The following SPAG16 variants were observed in gnomAD, a reference collection of about 807,000 sequenced individuals.
SPAG16 encodes the protein sperm-associated antigen 16 protein.
SPAG16 carries 86 observed loss-of-function variants against 80.4 expected under a neutral mutation model. The ratio of observed to expected loss-of-function variants is 1.07; its 90% CI spans 0.90 to 1.28. SPAG16 has a LOEUF of 1.28. Among genes scored for constraint, SPAG16 ranks in the 50% most tolerant of loss-of-function variants. The probability of loss-of-function intolerance (pLI) is 0.00; values close to 1 mark genes in which losing one functional copy is unlikely to be tolerated. For synonymous variants in SPAG16, 294 were observed against 265.9 expected (o/e 1.11, Z -1.03); for missense variants, 870 against 765.3 (o/e 1.14, Z -1.61).
chr2:213,713,089 G>A (rs781099178), intron 10 of SPAG16, among the ~76,000 whole-genome samples: 2 of 152,130 alleles, frequency 1.3e-5, no homozygotes, highest in East Asian at 1.9e-4. Flanking sequence ...AAACCATCAG[G>A]TCTGGTGAGA....
intron 10 of SPAG16, among the ~76,000 whole-genome samples, chr2:213,668,505 T>C (rs2063696887): frequency 6.6e-6 from 1 of 152,252 alleles, no homozygotes; most frequent in South Asian, 2.1e-4. Context: ...GATTGAATTT[T>C]ATTAAATATT....
intron 10 of SPAG16, among the ~76,000 whole-genome samples, chr2:213,499,343 T>A (rs2074637592): frequency 6.6e-6 from 1 of 152,146 alleles, no homozygotes; most frequent in Admixed American, 6.6e-5. Context: ...ACAGATCCTA[T>A]GGATTCTAAT....
At chr2:213,672,524 G>T (rs1321989143) in intron 10 of SPAG16, among the ~76,000 whole-genome samples, 1 of 151,800 alleles carries the variant, frequency 6.6e-6, no homozygotes, top group Non-Finnish European at 1.5e-5. Flanking sequence ...TTGTTCCATT[G>T]TTTACATTTC....
chr2:214,011,333 G>T (rs2124941948), intron 12 of SPAG16, among the ~76,000 whole-genome samples: 1 of 146,098 alleles, frequency 6.8e-6, no homozygotes, highest in South Asian at 2.2e-4. Context: ...TTTTTTAAAA[G>T]AAAATAACTT....
intron 15 of SPAG16, among the ~76,000 whole-genome samples, chr2:214,199,450 C>T (rs189619826): frequency 6.6e-6 from 1 of 152,170 alleles, no homozygotes; most frequent in Non-Finnish European, 1.5e-5. Context: ...TATTCTGTTC[C>T]CTGGGTCTAC....
intron 9 of SPAG16, among the ~76,000 whole-genome samples, chr2:213,402,204 T>C (rs1228354508): frequency 6.6e-6 from 1 of 152,056 alleles, no homozygotes; most frequent in Non-Finnish European, 1.5e-5. Flanking sequence ...ATGTTTCCTG[T>C]ATTTAGGTGG....
chr2:213,931,578 T>C (rs1377128669), intron 12 of SPAG16, among the ~76,000 whole-genome samples: 1 of 152,216 alleles, frequency 6.6e-6, no homozygotes, highest in Non-Finnish European at 1.5e-5. Context: ...AAATGTAATA[T>C]GTCTTTAGAA....
At chr2:213,464,135 T>A (rs2072541365) in intron 9 of SPAG16, among the ~76,000 whole-genome samples, 1 of 152,148 alleles carries the variant, frequency 6.6e-6, no homozygotes, top group Non-Finnish European at 1.5e-5. Flanking sequence ...AAATCAAAGG[T>A]TACATGGTTA....
At chr2:213,376,057 TA>T (rs2066870010) in intron 9 of SPAG16, among the ~76,000 whole-genome samples, 1 of 151,362 alleles carries the variant, frequency 6.6e-6, no homozygotes, top group East Asian at 1.9e-4. Flanking sequence ...AAATAAAAAC[TA>T]ATCACTTTTT....
At chr2:214,195,303 T>TGATAGATAGATAGATAGATAGATA (rs78351450) in intron 15 of SPAG16, among the ~76,000 whole-genome samples, 8,190 of 146,666 alleles carry the variant, frequency 0.056, 297 homozygotes, top group Non-Finnish European at 0.066. Flanking sequence ...AGATGAGAGA[T>TGATAGATAGATAGATAGATAGATA]GATAGATAGA....
At chr2:214,158,021 A>G (rs796915816) in intron 15 of SPAG16, among the ~76,000 whole-genome samples, 8 of 145,830 alleles carry the variant, frequency 5.5e-5, no homozygotes, top group African/African-American at 1.9e-4. Flanking sequence ...CATTTGAATC[A>G]GGAACAAACG....
chr2:213,996,484 C>T (rs538383264), intron 12 of SPAG16, among the ~76,000 whole-genome samples: 1 of 151,466 alleles, frequency 6.6e-6, no homozygotes, highest in South Asian at 2.1e-4. Flanking sequence ...AGAATAAAAG[C>T]AGATATATCT....
At chr2:213,291,441 AAATC>A (rs1365706293) in intron 1 of SPAG16, among the ~76,000 whole-genome samples, 2 of 152,222 alleles carry the variant, frequency 1.3e-5, no homozygotes, top group East Asian at 1.9e-4. Context: ...GGATACATAA[AAATC>A]AATCAAAGTA....
At chr2:213,441,395 A>G (rs755456126) in intron 9 of SPAG16, among the ~76,000 whole-genome samples, 1 of 152,246 alleles carries the variant, frequency 6.6e-6, no homozygotes, top group Non-Finnish European at 1.5e-5. Flanking sequence ...TAGAAACAAC[A>G]TATCTACATA....
intron 15 of SPAG16, among the ~76,000 whole-genome samples, chr2:214,356,173 A>G (rs990537269): frequency 2.0e-5 from 3 of 152,054 alleles, no homozygotes; most frequent in African/African-American, 7.2e-5. Context: ...CATGTAACCT[A>G]AAACTTTAAG....
chr2:213,519,859 C>T (rs1384043333), intron 10 of SPAG16, among the ~76,000 whole-genome samples: 1 of 151,898 alleles, frequency 6.6e-6, no homozygotes, highest in Non-Finnish European at 1.5e-5. Context: ...AGTTCTAATC[C>T]CCTGTACCTG....
intron 10 of SPAG16, among the ~76,000 whole-genome samples, chr2:213,501,953 C>T (rs369941638): frequency 3.8e-4 from 58 of 152,200 alleles, no homozygotes; most frequent in African/African-American, 1.4e-3. Flanking sequence ...ACTGAATTAG[C>T]CCAATCAAAT....
intron 10 of SPAG16, among the ~76,000 whole-genome samples, chr2:213,826,165 A>C (rs11887869): frequency 0.027 from 4,131 of 151,522 alleles, 188 homozygotes; most frequent in African/African-American, 0.093. Context: ...GTCTGGTTTA[A>C]AGTTTGTTAA....
At chr2:214,163,891 C>T (rs2056550635) in intron 15 of SPAG16, among the ~76,000 whole-genome samples, 1 of 151,906 alleles carries the variant, frequency 6.6e-6, no homozygotes, top group Non-Finnish European at 1.5e-5. Flanking sequence ...GGCCCACTCA[C>T]ATTATGGAGG....
Sources: allele counts gnomAD v4.1 joint callset (sites outside exome capture counted in the v4.1 genomes callset), GRCh38; gene constraint gnomAD v4.1.1; transcripts MANE v1.5; gene names NCBI Gene and HGNC (gene_info 2026-07-23, HGNC 2026-07-21).